The following BTBD10 variants were observed in gnomAD, a reference collection of about 807,000 sequenced individuals.
BTBD10 encodes the protein BTB/POZ domain-containing protein 10.
A neutral mutation model predicts 53.2 loss-of-function variants in BTBD10; 21 were observed. The ratio of observed to expected loss-of-function variants is 0.39; its 90% CI spans 0.28 to 0.57. The LOEUF (loss-of-function observed/expected upper bound fraction) is 0.57, where lower values mean the gene tolerates loss of function less well. Ranked by LOEUF, BTBD10 falls within the 20% of genes least tolerant of loss-of-function variation. The pLI, the probability that BTBD10 is intolerant of heterozygous loss-of-function variation, is 0.53. For synonymous variants in BTBD10, 149 were observed against 192.7 expected, an observed-to-expected ratio of 0.77 and a Z score of 1.88; for missense variants, 360 against 594.7, an observed-to-expected ratio of 0.61 and a Z score of 4.10.
chr11:13,396,803 T>C (rs956785825), intron 8 of BTBD10, among the ~76,000 whole-genome samples: 2 of 152,228 alleles, frequency 1.3e-5, no homozygotes, highest in Admixed American at 1.3e-4. Flanking sequence ...GATAATCATG[T>C]GTTTTTTGTC....
chr11:13,457,664 G>C (rs1325165172), intron 1 of BTBD10, among the ~76,000 whole-genome samples: 1 of 152,146 alleles, frequency 6.6e-6, no homozygotes, highest in East Asian at 1.9e-4. Flanking sequence ...AGTAGGACTG[G>C]GGTGAAGGTA....
intron 1 of BTBD10, among the ~76,000 whole-genome samples, chr11:13,452,962 C>T (rs566351026): frequency 1.3e-5 from 2 of 152,034 alleles, no homozygotes; most frequent in Non-Finnish European, 2.9e-5. Context: ...TTTTGCTCAG[C>T]CCTTGTTTAA....
At chr11:13,400,044 T>C (rs917565443) in intron 8 of BTBD10, among the ~76,000 whole-genome samples, 1 of 152,200 alleles carries the variant, frequency 6.6e-6, no homozygotes, top group African/African-American at 2.4e-5. Context: ...TCAAGCTGTG[T>C]GCTGGGAGAA....
chr11:13,404,314 C>T (rs1949772154), intron 7 of BTBD10, among the ~76,000 whole-genome samples: 1 of 151,924 alleles, frequency 6.6e-6, no homozygotes, highest in African/African-American at 2.4e-5. Flanking sequence ...ATTTAGACCA[C>T]TAAGTAAAAA....
intron 2 of BTBD10, among the ~76,000 whole-genome samples, chr11:13,431,829 A>G (rs1950453255): frequency 6.6e-6 from 1 of 152,150 alleles, no homozygotes; most frequent in African/African-American, 2.4e-5. Flanking sequence ...CAGGTTCCTA[A>G]GAACTGAAGA....
intron 6 of BTBD10, among the ~76,000 whole-genome samples, chr11:13,407,585 C>T (rs1255781571): frequency 6.6e-6 from 1 of 152,112 alleles, no homozygotes; most frequent in Non-Finnish European, 1.5e-5. Context: ...CAAATAATTC[C>T]CCAAGTCTTC....
At chr11:13,443,287 C>T (rs141739794) in intron 2 of BTBD10, among the ~76,000 whole-genome samples, 399 of 151,420 alleles carry the variant, frequency 2.6e-3, no homozygotes, top group Admixed American at 4.8e-3. Context: ...TAAAAAGTTA[C>T]TGATGTTACA....
chr11:13,440,488 AT>A (rs1368068335), intron 2 of BTBD10, among the ~76,000 whole-genome samples: 2 of 152,216 alleles, frequency 1.3e-5, no homozygotes, highest in African/African-American at 4.8e-5. Flanking sequence ...TCAAAATTTT[AT>A]TGTGTATCCA....
In BTBD10 at chr11:13,404,134, T is replaced by C. The variant is rs551043706; in HGVS notation, c.1007-856A>G. 1.4e-4 allele frequency among the ~76,000 whole-genome samples: 21 copies of C among 152,320 alleles called. No individual in the cohort carries two copies. The East Asian group carries it at 3.7e-3, about 27-fold the overall frequency. On this transcript the variant is annotated intron_variant, in intron 7 of 8. Coordinates refer to ENST00000278174, the MANE Select transcript of BTBD10 (RefSeq NM_032320.7). ...ACTCATGGGGTAAATTTGTGATTAT[T>C]ACTACATCCTTAAGATTTACTGGTA...
At chr11:13,400,424 G>A (rs951929305) in intron 8 of BTBD10, among the ~76,000 whole-genome samples, 5 of 152,176 alleles carry the variant, frequency 3.3e-5, no homozygotes, top group African/African-American at 4.8e-5. Flanking sequence ...GGAGTGACCC[G>A]ATTTTCCAGG....
In BTBD10 at chr11:13,388,682, C is replaced by A; in HGVS notation, c.*149G>T. The A allele has an allele frequency of 1.2e-6, 1 of 810,026 alleles. No homozygotes were observed. The highest frequency in any genetic ancestry group is 2.6e-5 in the East Asian group (1 of 38,796). The allele number at this position is 810,026 out of a possible 1,614,324, so 50.2% of individuals were successfully genotyped here. Reference sequence around the variant, plus strand: ...ATTTAAAAAAAAACCATTCAGCTACCTTTGGTCTTTAAAAAAGCCTACACT... The same window carrying A: ...ATTTAAAAAAAAACCATTCAGCTACATTTGGTCTTTAAAAAAGCCTACACT... On this transcript the variant is annotated 3_prime_UTR_variant, in exon 9 of 9. Coordinates refer to ENST00000278174, the MANE Select transcript of BTBD10 (RefSeq NM_032320.7).
intron 1 of BTBD10, among the ~76,000 whole-genome samples, chr11:13,454,136 T>G (rs1950918466): frequency 6.6e-6 from 1 of 152,172 alleles, no homozygotes; most frequent in South Asian, 2.1e-4. Context: ...AAATAAGAAT[T>G]ACAAAGATTT....
chr11:13,449,878 C>T (rs1417972744), intron 1 of BTBD10, among the ~76,000 whole-genome samples: 1 of 152,194 alleles, frequency 6.6e-6, no homozygotes, highest in Non-Finnish European at 1.5e-5. Flanking sequence ...TAGGGCTCCA[C>T]CCTCATGACT....
chr11:13,413,477 T>C, intron 6 of BTBD10, 53 bp downstream of exon 6: 7 of 1,507,180 alleles, frequency 4.6e-6, no homozygotes, highest in Non-Finnish European at 6.3e-6. Context: ...AGGCTTTTTG[T>C]TCCAATATAT....
At chr11:13,460,793 A>C (rs1031754691) in intron 1 of BTBD10, among the ~76,000 whole-genome samples, 5 of 152,216 alleles carry the variant, frequency 3.3e-5, no homozygotes, top group Non-Finnish European at 7.3e-5. Flanking sequence ...ACAATGTGGG[A>C]TAGCACAGCA....
intron 8 of BTBD10, among the ~76,000 whole-genome samples, chr11:13,399,684 A>G (rs1481745271): frequency 6.6e-6 from 1 of 151,768 alleles, no homozygotes; most frequent in Non-Finnish European, 1.5e-5. Context: ...GGTTTTATCT[A>G]CCTTTGGTCT....
intron 6 of BTBD10, among the ~76,000 whole-genome samples, chr11:13,408,839 A>C (rs981478795): frequency 8.5e-5 from 13 of 152,116 alleles, no homozygotes; most frequent in Admixed American, 2.6e-4. Flanking sequence ...TAATTGATCT[A>C]TTTGCTTCTA....
chr11:13,422,334 T>C (rs1399785641), intron 2 of BTBD10, among the ~76,000 whole-genome samples: 2 of 152,212 alleles, frequency 1.3e-5, no homozygotes, highest in African/African-American at 2.4e-5. Context: ...ACTATGATTT[T>C]TTTTTTAAAG....
chr11:13,431,293 C>T (rs1950444378), intron 2 of BTBD10, among the ~76,000 whole-genome samples: 1 of 152,044 alleles, frequency 6.6e-6, no homozygotes, highest in South Asian at 2.1e-4. Flanking sequence ...AAAACATCTA[C>T]CATCACCAAC....
Sources: allele counts gnomAD v4.1 joint callset (sites outside exome capture counted in the v4.1 genomes callset), GRCh38; gene constraint gnomAD v4.1.1; transcripts MANE v1.5; gene names NCBI Gene and HGNC (gene_info 2026-07-23, HGNC 2026-07-21).